LRRTM4: variants seen among roughly 807,000 people sequenced by gnomAD.
LRRTM4 encodes leucine rich repeat transmembrane neuronal 4.
A neutral mutation model predicts 47.6 loss-of-function variants in LRRTM4; 25 were observed. The ratio of observed to expected loss-of-function variants is 0.53; its 90% CI spans 0.38 to 0.73. The LOEUF (loss-of-function observed/expected upper bound fraction) is 0.73. Among genes scored for constraint, LRRTM4 ranks in the 30% least tolerant of loss-of-function variants. The pLI, the probability that LRRTM4 is intolerant of heterozygous loss-of-function variation, is 0.00. For synonymous variants in LRRTM4, 311 were observed against 269.5 expected, an observed-to-expected ratio of 1.15 and a Z score of -1.51; for missense variants, 638 against 713.4, an observed-to-expected ratio of 0.89 and a Z score of 1.20.
intron 3 of LRRTM4, among the ~76,000 whole-genome samples, chr2:77,272,000 TC>T (rs1352091370): frequency 6.6e-6 from 1 of 151,898 alleles, no homozygotes; most frequent in Non-Finnish European, 1.5e-5. Context: ...GCCCAAAATG[TC>T]CTATCCCTTT....
intron 3 of LRRTM4, among the ~76,000 whole-genome samples, chr2:77,011,138 AATC>A (rs1677855737): frequency 6.6e-6 from 1 of 152,134 alleles, no homozygotes; most frequent in Admixed American, 6.6e-5. Flanking sequence ...ATTTTTTAGT[AATC>A]ATGTCTTAGT....
chr2:77,390,086 A>G (rs1012343733), intron 3 of LRRTM4, among the ~76,000 whole-genome samples: 5 of 152,122 alleles, frequency 3.3e-5, no homozygotes, highest in African/African-American at 1.2e-4. Context: ...TTACATTCAA[A>G]TTCAGCATAA....
intron 3 of LRRTM4, among the ~76,000 whole-genome samples, chr2:77,118,372 A>G (rs781040012): frequency 1.3e-5 from 2 of 151,958 alleles, no homozygotes; most frequent in Non-Finnish European, 2.9e-5. Context: ...GGAAAATGAT[A>G]TACTCATTAT....
intron 3 of LRRTM4, among the ~76,000 whole-genome samples, chr2:77,403,767 GC>G (rs1411390228): frequency 6.6e-6 from 1 of 151,380 alleles, no homozygotes; most frequent in African/African-American, 2.4e-5. Context: ...TCTGACCCTA[GC>G]CCCGACTCTA....
chr2:77,159,442 A>G (rs750383790), intron 3 of LRRTM4, among the ~76,000 whole-genome samples: 1 of 151,960 alleles, frequency 6.6e-6, no homozygotes, highest in Non-Finnish European at 1.5e-5. Flanking sequence ...TAATGGGTGC[A>G]GCACACCAAC....
chr2:77,460,831 C>T (rs1017408224), intron 3 of LRRTM4, among the ~76,000 whole-genome samples: 2 of 152,072 alleles, frequency 1.3e-5, no homozygotes, highest in Non-Finnish European at 2.9e-5. Context: ...GCTCTCACCC[C>T]AGTTGAGCAG....
At chr2:76,788,159 C>T (rs1228445754) in intron 3 of LRRTM4, among the ~76,000 whole-genome samples, 1 of 151,998 alleles carries the variant, frequency 6.6e-6, no homozygotes, top group East Asian at 1.9e-4. Context: ...GTAGGAGAAC[C>T]AAGTAAATAA....
At chr2:76,877,320 T>C (rs895335418) in intron 3 of LRRTM4, among the ~76,000 whole-genome samples, 2 of 152,172 alleles carry the variant, frequency 1.3e-5, no homozygotes, top group South Asian at 2.1e-4. Context: ...CAAGAGTATA[T>C]ACATTTTAAA....
At chr2:77,163,715 C>T (rs1482636467) in intron 3 of LRRTM4, among the ~76,000 whole-genome samples, 1 of 152,124 alleles carries the variant, frequency 6.6e-6, no homozygotes, top group African/African-American at 2.4e-5. Context: ...AACTAAGCTT[C>T]ATAAGTGAAG....
At chr2:76,936,226 G>A (rs1216126809) in intron 3 of LRRTM4, among the ~76,000 whole-genome samples, 1 of 152,040 alleles carries the variant, frequency 6.6e-6, no homozygotes, top group Non-Finnish European at 1.5e-5. Flanking sequence ...AAGAAAATAT[G>A]GTGCATATAT....
rs1414272427 is a variant in LRRTM4 at position 77,420,958 on chromosome 2, G to GA, written c.1551+97359dup. Among the ~76,000 whole-genome samples the GA allele has an allele frequency of 3.4e-5, 5 of 147,988 alleles. No individual in the cohort carries two copies. In the East Asian group the frequency reaches 6.2e-4, roughly 18 times the overall value. ...TATTCTCTGAATTATATTTCCTAGT[G>GA]AAAAAAAGACAAGGCTCCTTGGAGA... On this transcript the variant is annotated intron_variant, in intron 3 of 3. Transcript: ENST00000409884.
intron 3 of LRRTM4, among the ~76,000 whole-genome samples, chr2:76,843,068 C>T (rs1322112728): frequency 2.0e-5 from 3 of 152,112 alleles, no homozygotes; most frequent in Non-Finnish European, 4.4e-5. Context: ...TAAATCAATA[C>T]CTTCAACATT....
intron 3 of LRRTM4, among the ~76,000 whole-genome samples, chr2:77,471,538 G>A (rs1390652630): frequency 1.3e-5 from 2 of 151,976 alleles, no homozygotes; most frequent in African/African-American, 4.8e-5. Context: ...GCCTCACATG[G>A]TCTGCCCTCT....
At chr2:76,842,696 A>G (rs2103938885) in intron 3 of LRRTM4, among the ~76,000 whole-genome samples, 1 of 152,048 alleles carries the variant, frequency 6.6e-6, no homozygotes, top group Middle Eastern at 3.4e-3. Flanking sequence ...TTAACCTCCA[A>G]TTTTCTTTTT....
At chr2:76,761,000 C>T (rs542633240) in intron 3 of LRRTM4, among the ~76,000 whole-genome samples, 1 of 152,238 alleles carries the variant, frequency 6.6e-6, no homozygotes, top group African/African-American at 2.4e-5. Flanking sequence ...TATCCCAGAT[C>T]AATTAAATCA....
chr2:77,394,916 G>A (rs372310121), intron 3 of LRRTM4, among the ~76,000 whole-genome samples: 82 of 152,024 alleles, frequency 5.4e-4, no homozygotes, highest in Middle Eastern at 3.4e-3. Flanking sequence ...ATGGCTTGTG[G>A]AACAGGGGGT....
At chr2:76,892,691 C>A (rs1016720716) in intron 3 of LRRTM4, among the ~76,000 whole-genome samples, 12 of 151,530 alleles carry the variant, frequency 7.9e-5, no homozygotes, top group African/African-American at 2.9e-4. Flanking sequence ...AAGTAAAATG[C>A]ACTTAGGAAA....
intron 3 of LRRTM4, among the ~76,000 whole-genome samples, chr2:77,347,728 T>A (rs1671620784): frequency 6.6e-6 from 1 of 152,150 alleles, no homozygotes; most frequent in Non-Finnish European, 1.5e-5. Context: ...TAAATTGCTA[T>A]AAAAGTTTCT....
intron 3 of LRRTM4, among the ~76,000 whole-genome samples, chr2:77,456,707 A>G (rs1676557289): frequency 6.6e-6 from 1 of 151,922 alleles, no homozygotes; most frequent in African/African-American, 2.4e-5. Context: ...TCTTGAAAGC[A>G]TTCTTAGGAG....
Sources: gnomAD v4.1 joint callset for allele counts (sites outside exome capture counted in the v4.1 genomes callset) on GRCh38, gnomAD v4.1.1 for gene constraint, MANE v1.5 for transcripts, NCBI Gene and HGNC (gene_info 2026-07-23, HGNC 2026-07-21) for gene names.